The following CANX variants were observed in gnomAD, a reference collection of about 807,000 sequenced individuals.
CANX encodes calnexin, also known as epididymis secretory sperm binding protein.
CANX carries 14 observed loss-of-function variants against 75.7 expected under a neutral mutation model. The observed-to-expected ratio is 0.19, with a 90% CI of 0.12 to 0.29. The LOEUF (loss-of-function observed/expected upper bound fraction) is 0.29, where lower values mean the gene tolerates loss of function less well. Ranked by LOEUF, CANX falls within the 10% of genes least tolerant of loss-of-function variation. The pLI, the probability that CANX is intolerant of heterozygous loss-of-function variation, is 1.00. For missense variants in CANX, 567 were observed against 713.2 expected, an observed-to-expected ratio of 0.79 and a Z score of 2.34; for synonymous variants, 227 against 236.9, an observed-to-expected ratio of 0.96 and a Z score of 0.38.
At chr5:179,702,511 G>A (rs974147118) in intron 1 of CANX, among the ~76,000 whole-genome samples, 3 of 151,416 alleles carry the variant, frequency 2.0e-5, no homozygotes, top group Non-Finnish European at 4.4e-5. Context: ...TGTTATAGCC[G>A]GTGATGGGAT....
In CANX at chr5:179,725,869, TC is replaced by T. The variant is rs1440288939; in HGVS notation, c.1646-808del. On this transcript the variant is annotated intron_variant, in intron 13 of 14. Transcript: ENST00000247461. ...CAGGCATGGTGGCGGGCGCCTGTAG[TC>T]CCACCTATTCGGGAGGCTGAAGCAG... 2.7e-5 allele frequency among the ~76,000 whole-genome samples: 4 copies of T among 149,040 alleles called. No individual in the cohort carries two copies. In the East Asian group the frequency reaches 8.0e-4, roughly 30 times the overall value.
intron 1 of CANX, among the ~76,000 whole-genome samples, chr5:179,702,236 T>C (rs572628958): frequency 4.2e-4 from 63 of 151,606 alleles, no homozygotes; most frequent in African/African-American, 1.3e-3. Context: ...TAATTTTTCA[T>C]AGATACTTCG....
intron 5 of CANX, 41 bp downstream of exon 5, chr5:179,708,421 G>A: frequency 1.3e-6 from 2 of 1,579,002 alleles, no homozygotes; most frequent in Non-Finnish European, 1.7e-6. Flanking sequence ...TCTGCAAAGG[G>A]TAATCTTAGA....
At chr5:179,708,123 C>T (rs529055729) in intron 4 of CANX, 116 bp from the exon 5 acceptor site, 52 of 794,134 alleles carry the variant, frequency 6.5e-5, no homozygotes, top group African/African-American at 6.0e-4. Flanking sequence ...TAGGTGTGAG[C>T]GACCACGGCT....
intron 1 of CANX, chr5:179,700,962 A>C (rs1039855164): frequency 6.6e-6 from 1 of 150,662 alleles, no homozygotes; most frequent in South Asian, 2.1e-4. Context: ...TCCCGGGTTC[A>C]CGCCATTCTC....
At chr5:179,691,829 GT>G (rs2113051470) in intron 1 of CANX, among the ~76,000 whole-genome samples, 1 of 152,192 alleles carries the variant, frequency 6.6e-6, no homozygotes, top group Non-Finnish European at 1.5e-5. Context: ...CCAGGCTGGA[GT>G]GCAGTGGCAC....
chr5:179,679,894 G>T (rs1776011862), intron 1 of CANX, among the ~76,000 whole-genome samples: 1 of 151,206 alleles, frequency 6.6e-6, no homozygotes. Flanking sequence ...CCTGACCTCA[G>T]GTGATCCACC....
intron 7 of CANX, among the ~76,000 whole-genome samples, chr5:179,712,295 C>T (rs980316950): frequency 6.6e-6 from 1 of 151,890 alleles, no homozygotes; most frequent in African/African-American, 2.4e-5. Context: ...GCTCCAATAC[C>T]TGGACAATTG....
Position 179,724,761 on chromosome 5 carries a change from G to T in CANX, c.1623G>T (p.Glu541Asp). 1 of 1,611,134 alleles carries T rather than the reference G, an allele frequency of 6.2e-7. No individual in the cohort carries two copies. The highest frequency in any genetic ancestry group is 8.5e-7 in the Non-Finnish European group (1 of 1,177,800). ...AGGAAAAGGACAAGGGAGATGAGGA[G>T]GAGGAAGGAGAAGAGAAACTTGGTA... The part of the protein sequence containing the change: ...KEEEKDKGDE[E>D]EEGEEKLEEK... The change falls in exon 13 of 15, where the codon GAG becomes GAT. Residue 541 changes from glutamate (E) to aspartate (D), a missense_variant. Physicochemically the swap from Glu to Asp is conservative, Grantham distance 45. Coordinates refer to ENST00000247461, the MANE Select transcript of CANX (RefSeq NM_001746.4).
At chr5:179,722,576 C>T (rs1028015395) in intron 10 of CANX, among the ~76,000 whole-genome samples, 2 of 152,168 alleles carry the variant, frequency 1.3e-5, no homozygotes, top group African/African-American at 4.8e-5. Flanking sequence ...GGACCAAGGT[C>T]ATGGGTGACA....
chr5:179,707,411 C>T (rs978406586), intron 4 of CANX, among the ~76,000 whole-genome samples: 2 of 151,940 alleles, frequency 1.3e-5, no homozygotes, highest in African/African-American at 4.8e-5. Context: ...AGTGAAACCC[C>T]GTCTCTACTG....
chr5:179,703,225 CT>C (rs545011653), intron 1 of CANX, among the ~76,000 whole-genome samples: 380 of 137,314 alleles, frequency 2.8e-3, no homozygotes, highest in Admixed American at 3.3e-3. Flanking sequence ...GTGGTGGAGT[CT>C]TTTTTTTTTT....
intron 1 of CANX, among the ~76,000 whole-genome samples, chr5:179,684,496 C>T (rs946225872): frequency 2.6e-5 from 4 of 151,380 alleles, no homozygotes; most frequent in African/African-American, 4.9e-5. Flanking sequence ...CCCGCCACCA[C>T]GCCCGGCTAA....
At chr5:179,717,916 A>G (rs1016580896) in intron 8 of CANX, among the ~76,000 whole-genome samples, 1 of 151,836 alleles carries the variant, frequency 6.6e-6, no homozygotes, top group African/African-American at 2.4e-5. Flanking sequence ...GGGTTTTACC[A>G]TGTTGGTCAG....
At position 179,724,669 on chromosome 5, in the gene CANX, G is replaced by A; in HGVS notation, c.1531G>A (p.Gly511Ser). The change falls in exon 13 of 15, where the codon GGT becomes AGT. Residue 511 changes from glycine to serine, a missense_variant. Physicochemically the swap from Gly to Ser is moderately conservative, Grantham distance 56. Around this residue, in one of 3 missense-constraint regions of CANX, gnomAD observed 167 missense variants for 179.3 expected, o/e 0.93. Coordinates refer to ENST00000247461, the MANE Select transcript of CANX (RefSeq NM_001746.4). ...FCCSGKKQTS[G>S]MEYKKTDAPQ... The stretch of plus-strand genomic sequence containing the variant: ...GGGAACATTTCAGAAACAGACCAGT[G>A]GTATGGAGTATAAGAAAACTGATGC... 1.9e-6 allele frequency: 3 copies of A among 1,613,440 alleles called. No homozygotes were observed. Among genetic ancestry groups the A allele is most frequent in the South Asian group, 1.1e-5 (1 of 91,064 alleles).
chr5:179,729,676 G>C lies in CANX; in HGVS notation c.*1032G>C, dbSNP rs1778882391. 6.6e-6 allele frequency: 1 copy of C among 152,622 alleles called. No homozygotes were observed. Among genetic ancestry groups the C allele is most frequent in the Non-Finnish European group, 1.5e-5 (1 of 68,046 alleles). 9.5% of individuals were successfully genotyped at this position (152,622 alleles called of 1,614,324 possible). A position where few individuals can be genotyped will look rare whatever the true frequency, so the allele number is the denominator to read the frequency against. ...GTATGTTTCTTCTTTCTTTTAAGCA[G>C]ACCCATACCTTTCCAGGGTCAAAGT... is the stretch of plus-strand genomic sequence containing the variant. On this transcript the variant is annotated 3_prime_UTR_variant, in exon 15 of 15. Coordinates refer to ENST00000247461, the MANE Select transcript of CANX (RefSeq NM_001746.4).
chr5:179,710,569 G>A (rs1327300590), intron 7 of CANX, among the ~76,000 whole-genome samples: 6 of 149,764 alleles, frequency 4.0e-5, no homozygotes, highest in South Asian at 2.1e-4. Flanking sequence ...TTAGCCGGGC[G>A]TGGTGGTGGG....
chr5:179,707,663 T>TTTTTTTTTTTTTTTTTTTTTG (rs1777247028), intron 4 of CANX, among the ~76,000 whole-genome samples: 1 of 127,414 alleles, frequency 7.8e-6, no homozygotes, highest in Non-Finnish European at 1.6e-5. Context: ...TTTTTTTTTT[T>TTTTTTTTTTTTTTTTTTTTTG]TTTTATTTAA....
At chr5:179,716,564 C>A (rs547562006) in intron 8 of CANX, among the ~76,000 whole-genome samples, 2 of 152,286 alleles carry the variant, frequency 1.3e-5, no homozygotes, top group Non-Finnish European at 2.9e-5. Flanking sequence ...AATCTCAGGT[C>A]CTTTAACCTG....
Sources: gnomAD v4.1 joint callset for allele counts (sites outside exome capture counted in the v4.1 genomes callset) on GRCh38, gnomAD v4.1.1 for gene constraint, gnomAD v4.1.1 regional missense constraint, MANE v1.5 for transcripts, NCBI Gene and HGNC (gene_info 2026-07-23, HGNC 2026-07-21) for gene names.